The following YJU2 variants were observed in gnomAD, a reference collection of about 807,000 sequenced individuals.
The protein encoded by YJU2 is YJU2 splicing factor homolog.
YJU2 carries 28 observed loss-of-function variants against 39.6 expected under a neutral mutation model. That is an observed-to-expected ratio of 0.71 (90% CI 0.52 to 0.97). The LOEUF is 0.97. Ranked by LOEUF, YJU2 falls within the 50% of genes least tolerant of loss-of-function variation. The pLI, the probability that YJU2 is intolerant of heterozygous loss-of-function variation, is 0.00. For missense variants in YJU2, 328 were observed against 430.4 expected (o/e 0.76, Z 2.11); for synonymous variants, 184 against 182.4 (o/e 1.01, Z -0.07).
chr19:4,258,914 A>G lies in YJU2; in HGVS notation c.587+491A>G, dbSNP rs367691419. On this transcript the variant is annotated intron_variant, in intron 5 of 7. Coordinates refer to ENST00000262962, the MANE Select transcript of YJU2 (RefSeq NM_018074.6). ...CCAGAGGAAAGCAGGGGTCACGCATAAACCATGGTGTTTGCAGGAACAGCT... is the reference window on the plus strand; with the variant it reads ...CCAGAGGAAAGCAGGGGTCACGCATGAACCATGGTGTTTGCAGGAACAGCT... Among the ~76,000 whole-genome samples, 4 of 152,000 alleles carry G rather than the reference A, an allele frequency of 2.6e-5. No individual in the cohort carries two copies. In the East Asian group the frequency reaches 5.8e-4, roughly 22 times the overall value.
chr19:4,262,959 A>G (rs1339433316), intron 6 of YJU2, among the ~76,000 whole-genome samples: 1 of 151,738 alleles, frequency 6.6e-6, no homozygotes, highest in African/African-American at 2.4e-5. Context: ...TTGTAATCCC[A>G]GCTACTCAGA....
chr19:4,261,901 C>T, intron 5 of YJU2, 93 bp from the exon 6 acceptor site: 2 of 1,388,968 alleles, frequency 1.4e-6, no homozygotes, highest in South Asian at 1.3e-5. Flanking sequence ...AAGAGGTCTC[C>T]AGGCACCCAG....
intron 5 of YJU2, among the ~76,000 whole-genome samples, chr19:4,260,452 A>T (rs1971061548): frequency 1.3e-5 from 2 of 151,108 alleles, no homozygotes; most frequent in African/African-American, 4.9e-5. Flanking sequence ...TAAAAAGTAG[A>T]CTAGGTGCGG....
intron 5 of YJU2, among the ~76,000 whole-genome samples, chr19:4,258,751 G>A (rs1053885624): frequency 6.6e-5 from 10 of 152,180 alleles, no homozygotes; most frequent in East Asian, 1.9e-4. Context: ...CGCAGGACGC[G>A]CCTCATCCCC....
At chr19:4,267,589 G>A (rs746755812) in intron 6 of YJU2, 35 bp from the exon 7 acceptor site, 1 of 1,603,968 alleles carries the variant, frequency 6.2e-7, no homozygotes. Flanking sequence ...CCTGGATCCG[G>A]GCCAGACCCC....
At chr19:4,253,601 T>C (rs999508811) in intron 3 of YJU2, among the ~76,000 whole-genome samples, 7 of 152,116 alleles carry the variant, frequency 4.6e-5, no homozygotes, top group African/African-American at 1.7e-4. Context: ...AAAAACATAG[T>C]GTTACTATTA....
intron 2 of YJU2, among the ~76,000 whole-genome samples, chr19:4,249,929 A>G (rs1188028660): frequency 6.6e-6 from 1 of 151,630 alleles, no homozygotes; most frequent in Non-Finnish European, 1.5e-5. Flanking sequence ...CTGGTCTCGA[A>G]CTCCTGACCT....
At position 4,251,082 on chromosome 19, in the gene YJU2, G is replaced by T. The variant is rs1970972527; in HGVS notation, c.181G>T (p.Glu61Ter). ...GGGGAAGAAATTCAATGCTCGGAAG[G>T]AGACGGTGCAGAACGAGGTCTACCT... ...YKGKKFNARKETVQNEVYLGL... is the reference protein window; with the variant it reads ...YKGKKFNARK The change falls in exon 3 of 8, where the codon GAG (glutamate) becomes TAG (stop). Residue 61 changes from glutamate (E) to a stop codon, truncating the protein, a stop_gained. Coordinates refer to ENST00000262962, the MANE Select transcript of YJU2 (RefSeq NM_018074.6). LOFTEE classifies it high-confidence loss of function. 1.2e-6 allele frequency: 2 copies of T among 1,614,088 alleles called. No homozygotes were observed. Among genetic ancestry groups the T allele is most frequent in the South Asian group, 2.2e-5 (2 of 91,086 alleles).
intron 6 of YJU2, 21 bp downstream of exon 6, chr19:4,262,135 C>T (rs781746824): frequency 5.0e-6 from 8 of 1,588,164 alleles, no homozygotes; most frequent in Non-Finnish European, 6.0e-6. Flanking sequence ...TGCCTGAGTC[C>T]TGGGGGCTCC....
chr19:4,259,773 C>G (rs867171171), intron 5 of YJU2, among the ~76,000 whole-genome samples: 1 of 152,084 alleles, frequency 6.6e-6, no homozygotes, highest in Non-Finnish European at 1.5e-5. Context: ...AGAATCTGAG[C>G]TGTAAGGACA....
Position 4,247,695 on chromosome 19 carries a change from GTGTTT to G in YJU2, c.24+532_24+536del, listed in dbSNP as rs1159553259. ...TGTGTGTGTGTGTGTGTGTGTGTGT[GTGTTT>G]TGTTTTTTTTACTGGGGTCTGGTCA... On this transcript the variant is annotated intron_variant, in intron 1 of 7. Coordinates refer to ENST00000262962, the MANE Select transcript of YJU2 (RefSeq NM_018074.6). Among the ~76,000 whole-genome samples the G allele has an allele frequency of 8.5e-4, 119 of 139,798 alleles. 1 individual carries two copies. The highest frequency in any genetic ancestry group is 3.0e-3 in the African/African-American group (113 of 38,190). The allele number at this position is 139,798 out of a possible 152,430, so 91.7% of individuals were successfully genotyped here. A position where few individuals can be genotyped will look rare whatever the true frequency, so the allele number is the denominator to read the frequency against.
chr19:4,261,960 G>A (rs1971074126), intron 5 of YJU2, 34 bp from the exon 6 acceptor site: 2 of 1,607,608 alleles, frequency 1.2e-6, no homozygotes, highest in East Asian at 2.2e-5. Context: ...TCCCCAAACA[G>A]AGCACGTCCA....
chr19:4,265,311 G>A (rs1363710470), intron 6 of YJU2, among the ~76,000 whole-genome samples: 4 of 151,944 alleles, frequency 2.6e-5, no homozygotes, highest in Admixed American at 6.6e-5. Flanking sequence ...GCAGTGACGC[G>A]ATCACAGCTC....
chr19:4,247,766 G>A (rs1370179924), intron 1 of YJU2, among the ~76,000 whole-genome samples: 1 of 150,742 alleles, frequency 6.6e-6, no homozygotes, highest in East Asian at 2.0e-4. Flanking sequence ...GATTTTACTG[G>A]GGTCTGGTCA....
intron 4 of YJU2, among the ~76,000 whole-genome samples, chr19:4,255,970 G>C (rs1951972670): frequency 1.3e-5 from 2 of 151,728 alleles, no homozygotes; most frequent in Admixed American, 1.3e-4. Context: ...TCGCGCCATT[G>C]CACTTCAGCC....
At chr19:4,258,446 C>T in intron 5 of YJU2, 23 bp downstream of exon 5, 1 of 1,561,958 alleles carries the variant, frequency 6.4e-7, no homozygotes, top group Non-Finnish European at 8.7e-7. Flanking sequence ...CGGCCCAACC[C>T]AGCCCCACCT....
intron 4 of YJU2, among the ~76,000 whole-genome samples, chr19:4,256,999 G>A (rs1448328420): frequency 1.3e-4 from 20 of 152,192 alleles, no homozygotes. Context: ...CTTAAATGGA[G>A]GAGCATCAGA....
intron 1 of YJU2, among the ~76,000 whole-genome samples, chr19:4,248,714 T>G (rs1970951020): frequency 6.6e-6 from 1 of 151,842 alleles, no homozygotes; most frequent in Non-Finnish European, 1.5e-5. Context: ...AGGTCAGGAG[T>G]TCGAGACTAG....
intron 1 of YJU2, 40 bp from the exon 2 acceptor site, chr19:4,249,188 C>A: frequency 1.4e-6 from 2 of 1,422,314 alleles, no homozygotes; most frequent in Non-Finnish European, 2.0e-6. Flanking sequence ...GCCCCTGCTT[C>A]TGAAAATAAC....
Sources: allele counts gnomAD v4.1 joint callset (sites outside exome capture counted in the v4.1 genomes callset), GRCh38; gene constraint gnomAD v4.1.1; transcripts MANE v1.5; gene names NCBI Gene and HGNC (gene_info 2026-07-23, HGNC 2026-07-21).